PTDSS2: variants seen among roughly 807,000 people sequenced by gnomAD.
PTDSS2 encodes the protein phosphatidylserine synthase 2.
A neutral mutation model predicts 64.7 loss-of-function variants in PTDSS2; 41 were observed. The ratio of observed to expected loss-of-function variants is 0.63; its 90% confidence interval spans 0.49 to 0.82. PTDSS2 has a LOEUF of 0.82. Among genes scored for constraint, PTDSS2 ranks in the 40% least tolerant of loss-of-function variants. PTDSS2 has a pLI of 0.00. For missense variants in PTDSS2, 485 were observed against 650.0 expected, an observed-to-expected ratio of 0.75 and a Z score of 2.76; for synonymous variants, 297 against 277.8, an observed-to-expected ratio of 1.07 and a Z score of -0.69.
chr11:456,797 G>A (rs1174196632), intron 1 of PTDSS2, among the ~76,000 whole-genome samples: 1 of 152,180 alleles, frequency 6.6e-6, no homozygotes, highest in African/African-American at 2.4e-5. Flanking sequence ...GTACTGAAGG[G>A]CCCCACGGTG....
chr11:461,004 C>T lies in PTDSS2; in HGVS notation c.284+716C>T, dbSNP rs1213689236. 6.6e-6 allele frequency: 1 copy of T among 152,356 alleles called. No homozygotes were observed. The highest frequency in any genetic ancestry group is 1.5e-5 in the Non-Finnish European group (1 of 68,126). The allele number at this position is 152,356 out of a possible 1,614,324, so 9.4% of individuals were successfully genotyped here. A position where few individuals can be genotyped will look rare whatever the true frequency, so the allele number is the denominator to read the frequency against. On this transcript the variant is annotated intron_variant, in intron 2 of 11. Transcript: ENST00000308020. The surrounding 1 kb of genome is among the most constrained non-coding windows in gnomAD (Gnocchi z 4.2). ...TGCTGACACCATCAGGGCCTGGCCC[C>T]ACTTGCTCCGGCGGGATGGTGGGAG...
At chr11:456,021 G>A (rs564744819) in intron 1 of PTDSS2, among the ~76,000 whole-genome samples, 8 of 152,142 alleles carry the variant, frequency 5.3e-5, no homozygotes, top group African/African-American at 1.2e-4. Context: ...ACTTGCCTGC[G>A]GGCACCACGC....
chr11:485,969 G>A (rs1467450647), intron 4 of PTDSS2, among the ~76,000 whole-genome samples: 1 of 140,406 alleles, frequency 7.1e-6, no homozygotes, highest in East Asian at 2.1e-4. Flanking sequence ...GGGCGCGCGT[G>A]TGCTCACCGT....
intron 3 of PTDSS2, among the ~76,000 whole-genome samples, chr11:475,012 T>A (rs1847675808): frequency 6.9e-6 from 1 of 145,464 alleles, no homozygotes; most frequent in Admixed American, 6.7e-5. Flanking sequence ...CGAGTTTGTG[T>A]GATACGGACA....
intron 4 of PTDSS2, 197 bp from the exon 5 acceptor site, chr11:486,742 G>A: frequency 3.9e-6 from 1 of 259,386 alleles, no homozygotes; most frequent in Non-Finnish European, 6.0e-6. Flanking sequence ...CAGCTACTCG[G>A]GAGGCTGAGG....
intron 2 of PTDSS2, among the ~76,000 whole-genome samples, chr11:466,539 C>G (rs1847150015): frequency 6.6e-6 from 1 of 151,736 alleles, no homozygotes; most frequent in African/African-American, 2.4e-5. Context: ...TCCCGAGTAG[C>G]TGGGACTACA....
Position 476,829 on chromosome 11 carries a change from G to A in PTDSS2, c.368-2256G>A, listed in dbSNP as rs151235868. On this transcript the variant is annotated intron_variant, in intron 3 of 11. Transcript: ENST00000308020. The surrounding 1 kb of genome is among the most constrained non-coding windows in gnomAD (Gnocchi z 4.9). ...GCTCTGCTCTACCTTTCTTCTGTCC[G>A]TTTAGTTTGCTTGGCATAAATTCCA... Among the ~76,000 whole-genome samples, 312 of 152,296 alleles carry A rather than the reference G, an allele frequency of 2.0e-3. 4 individuals are homozygous for A. The highest frequency in any genetic ancestry group is 7.1e-3 in the African/African-American group (294 of 41,558).
chr11:450,494 G>A lies in PTDSS2; in HGVS notation c.39G>A (p.Arg13=), dbSNP rs1487219495. 3 of 1,236,642 alleles carry A rather than the reference G, an allele frequency of 2.4e-6. No individual in the cohort carries two copies. The highest frequency in any genetic ancestry group is 3.2e-5 in the East Asian group (1 of 31,286). 76.6% of individuals were successfully genotyped at this position (1,236,642 alleles called of 1,614,324 possible). A position where few individuals can be genotyped will look rare whatever the true frequency, so the allele number is the denominator to read the frequency against. ...RGERRDAGGP[R]PESPVPAGRA... is the part of the protein sequence containing the mutation. ...AGCGCAGGGACGCCGGAGGTCCGCG[G>A]CCCGAGTCCCCGGTGCCCGCGGGCA... is the stretch of plus-strand genomic sequence containing the variant. Residue 13 remains arginine (R), a synonymous_variant, in exon 1 of 12, where the codon CGG becomes CGA. Coordinates refer to ENST00000308020, the MANE Select transcript of PTDSS2 (RefSeq NM_030783.3).
Position 478,051 on chromosome 11 carries a change from G to A in PTDSS2, c.368-1034G>A, listed in dbSNP as rs560312532. On this transcript the variant is annotated intron_variant, in intron 3 of 11. Coordinates refer to ENST00000308020, the MANE Select transcript of PTDSS2 (RefSeq NM_030783.3). ...TAGTCCGAAAACCTCACGTCTGCAC[G>A]TCTTGCCGTGAGCTGCTCGGAGCCG... Among the ~76,000 whole-genome samples, 7 of 152,320 alleles carry A rather than the reference G, an allele frequency of 4.6e-5. No individual in the cohort carries two copies. The South Asian group carries it at 1.4e-3, about 32-fold the overall frequency.
chr11:455,264 C>A (rs1398461272), intron 1 of PTDSS2, among the ~76,000 whole-genome samples: 1 of 152,190 alleles, frequency 6.6e-6, no homozygotes, highest in African/African-American at 2.4e-5. Context: ...GCTCCTTCAC[C>A]CCTCTTTTCT....
At position 466,979 on chromosome 11, in the gene PTDSS2, C is replaced by T. The variant is rs375004223; in HGVS notation, c.284+6691C>T. 7.9e-5 allele frequency among the ~76,000 whole-genome samples: 12 copies of T among 152,064 alleles called. 1 individual carries two copies. Among genetic ancestry groups the T allele is most frequent in the African/African-American group, 9.6e-5 (4 of 41,474 alleles). ...CTGAGGTGGGAGGATCCCTTGAGCCCGGGAGGTCAAGGCTGCAGTGAGCCA... is the reference window on the plus strand; with the variant it reads ...CTGAGGTGGGAGGATCCCTTGAGCCTGGGAGGTCAAGGCTGCAGTGAGCCA... On this transcript the variant is annotated intron_variant, in intron 2 of 11. Transcript: ENST00000308020.
intron 6 of PTDSS2, among the ~76,000 whole-genome samples, chr11:487,781 G>T (rs1324979358): frequency 6.6e-6 from 1 of 152,240 alleles, no homozygotes; most frequent in Admixed American, 6.5e-5. Context: ...GCTACCTATG[G>T]GGCTAAGAGC....
Position 479,426 on chromosome 11 carries a change from T to G in PTDSS2, c.435+274T>G. On this transcript the variant is annotated intron_variant, in intron 4 of 11. Transcript: ENST00000308020. This position sits in a 1 kb window ranked among gnomAD's most constrained non-coding sequence, Gnocchi z 4.2. Reference sequence around the variant, plus strand: ...TGGTGGGGCGCTGACTGTGGCCATTTAGCAGGGCCACACTTAAGGAGGGCA... The same window carrying G: ...TGGTGGGGCGCTGACTGTGGCCATTGAGCAGGGCCACACTTAAGGAGGGCA... The G allele has an allele frequency of 3.7e-6, 2 of 541,902 alleles. No homozygotes were observed. The highest frequency in any genetic ancestry group is 2.0e-5 in the South Asian group (1 of 49,192). 33.6% of individuals were successfully genotyped at this position (541,902 alleles called of 1,614,324 possible). A position where few individuals can be genotyped will look rare whatever the true frequency, so the allele number is the denominator to read the frequency against.
chr11:473,665 C>G (rs1193714394), intron 2 of PTDSS2, among the ~76,000 whole-genome samples: 2 of 151,852 alleles, frequency 1.3e-5, no homozygotes, highest in African/African-American at 4.8e-5. Context: ...GTAGCTGGGC[C>G]TTCCCTGCCG....
At chr11:486,655 G>A (rs903058857) in intron 4 of PTDSS2, among the ~76,000 whole-genome samples, 2 of 151,864 alleles carry the variant, frequency 1.3e-5, no homozygotes, top group Admixed American at 6.6e-5. Context: ...ATCCTGGCTA[G>A]CACGGTGAAA....
intron 2 of PTDSS2, among the ~76,000 whole-genome samples, chr11:465,373 GTAGAGA>G (rs1847095521): frequency 6.6e-6 from 1 of 152,152 alleles, no homozygotes; most frequent in Admixed American, 6.5e-5. Context: ...AAAATTTTTT[GTAGAGA>G]TAAAGTCTCA....
At chr11:472,032 C>G (rs1237686040) in intron 2 of PTDSS2, among the ~76,000 whole-genome samples, 1 of 131,670 alleles carries the variant, frequency 7.6e-6, no homozygotes, top group African/African-American at 3.0e-5. Context: ...TGGGGTGATG[C>G]GCGCCTGTCG....
At chr11:458,739 C>G (rs796939784) in intron 1 of PTDSS2, 49 of 152,232 alleles carry the variant, frequency 3.2e-4, no homozygotes, top group African/African-American at 1.1e-3. Flanking sequence ...CTCAAGCAAT[C>G]CTCTTGTCTC....
At chr11:484,588 G>A (rs1461914680) in intron 4 of PTDSS2, among the ~76,000 whole-genome samples, 1 of 151,090 alleles carries the variant, frequency 6.6e-6, no homozygotes. Context: ...TCTGTAAATA[G>A]TGCATGGGCG....
Sources: allele counts gnomAD v4.1 joint callset (sites outside exome capture counted in the v4.1 genomes callset), GRCh38; gene constraint gnomAD v4.1.1; non-coding constraint Gnocchi (gnomAD v3.1); transcripts MANE v1.5; gene names NCBI Gene and HGNC (gene_info 2026-07-23, HGNC 2026-07-21).